Variants in PCTP observed in about 807,000 individuals in gnomAD.
PCTP encodes the protein START domain-containing protein 2.
In PCTP, 27 loss-of-function variants were observed where a neutral mutation model predicts 31.0. The ratio of observed to expected loss-of-function variants is 0.87; its 90% CI spans 0.64 to 1.20. PCTP has a LOEUF of 1.20. Among genes scored for constraint, PCTP ranks in the 50% most tolerant of loss-of-function variants. The pLI, the probability that PCTP is intolerant of heterozygous loss-of-function variation, is 0.00. For synonymous variants in PCTP, 108 were observed against 101.2 expected, an observed-to-expected ratio of 1.07 and a Z score of -0.40; for missense variants, 287 against 268.2, an observed-to-expected ratio of 1.07 and a Z score of -0.49.
At chr17:55,810,463 C>T (rs1912713691) in intron 3 of PCTP, among the ~76,000 whole-genome samples, 1 of 152,234 alleles carries the variant, frequency 6.6e-6, no homozygotes. Flanking sequence ...TCTACTGAGA[C>T]TCCAGGGGTA....
intron 1 of PCTP, among the ~76,000 whole-genome samples, chr17:55,757,132 G>GAT (rs973920755): frequency 2.6e-5 from 4 of 151,086 alleles, no homozygotes; most frequent in Non-Finnish European, 1.5e-5. Context: ...TGTGCATTTG[G>GAT]ATATATATAT....
intron 3 of PCTP, among the ~76,000 whole-genome samples, chr17:55,817,808 A>G (rs1473087672): frequency 6.6e-6 from 1 of 152,216 alleles, no homozygotes; most frequent in Non-Finnish European, 1.5e-5. Flanking sequence ...ATCTAGTCAG[A>G]GAGGGTATCT....
intron 3 of PCTP, among the ~76,000 whole-genome samples, chr17:55,800,472 C>T (rs940442586): frequency 2.0e-5 from 3 of 151,858 alleles, no homozygotes; most frequent in Admixed American, 2.0e-4. Context: ...TTAGCAATTC[C>T]TCTAATCTTT....
chr17:55,849,853 A>G, the PCTP span, among the ~76,000 whole-genome samples: 1 of 152,166 alleles, frequency 6.6e-6, no homozygotes, highest in African/African-American at 2.4e-5. Context: ...TCCATATAAA[A>G]GTATACCACA....
intron 5 of PCTP, among the ~76,000 whole-genome samples, chr17:55,833,233 G>A (rs1905664820): frequency 1.3e-5 from 2 of 152,062 alleles, no homozygotes; most frequent in Admixed American, 1.3e-4. Context: ...TAAGAAACTT[G>A]AGACCCAATA....
intron 3 of PCTP, among the ~76,000 whole-genome samples, chr17:55,792,108 A>G (rs1567722829): frequency 1.4e-5 from 2 of 138,740 alleles, no homozygotes; most frequent in Admixed American, 1.6e-4. Context: ...TTGAGCAATG[A>G]GAACACATGG....
chr17:55,798,476 G>T (rs1323182974), intron 3 of PCTP, among the ~76,000 whole-genome samples: 11 of 151,744 alleles, frequency 7.2e-5, no homozygotes, highest in Admixed American at 7.2e-4. Context: ...AATATGAAGG[G>T]CAACCAAAGG....
At chr17:55,820,376 A>G (rs968741219) in intron 3 of PCTP, among the ~76,000 whole-genome samples, 13 of 152,208 alleles carry the variant, frequency 8.5e-5, no homozygotes, top group Non-Finnish European at 4.4e-5. Context: ...GACATTCAAT[A>G]TCAAGGCACT....
chr17:55,784,056 A>G (rs570778849), intron 2 of PCTP, among the ~76,000 whole-genome samples: 1 of 152,244 alleles, frequency 6.6e-6, no homozygotes, highest in South Asian at 2.1e-4. Flanking sequence ...CAAAGACAGC[A>G]TGCGTTTCCT....
downstream of PCTP, among the ~76,000 whole-genome samples, chr17:55,844,489 T>G (rs1210008635): frequency 1.3e-5 from 2 of 152,128 alleles, no homozygotes; most frequent in African/African-American, 4.8e-5. Flanking sequence ...TGCCATAGAT[T>G]CATAGAAGCT....
intron 5 of PCTP, among the ~76,000 whole-genome samples, chr17:55,830,783 G>A (rs1026583347): frequency 3.9e-5 from 6 of 152,174 alleles, no homozygotes; most frequent in African/African-American, 1.4e-4. Context: ...GGGGTTAGGG[G>A]AGATGGAGGT....
downstream of PCTP, among the ~76,000 whole-genome samples, chr17:55,823,790 C>A (rs1025917125): frequency 6.6e-6 from 1 of 152,214 alleles, no homozygotes; most frequent in African/African-American, 2.4e-5. Flanking sequence ...TGCATCAGCC[C>A]CAGCCTGGCT....
At chr17:55,819,258 C>A (rs1913037180) in intron 3 of PCTP, among the ~76,000 whole-genome samples, 1 of 152,086 alleles carries the variant, frequency 6.6e-6, no homozygotes, top group Non-Finnish European at 1.5e-5. Flanking sequence ...ACCAAGGTGT[C>A]TGCTCTTAAC....
intron 2 of PCTP, 37 bp from the exon 3 acceptor site, chr17:55,771,069 G>T (rs762631659): frequency 6.6e-7 from 1 of 1,517,176 alleles, no homozygotes; most frequent in Non-Finnish European, 9.2e-7. Flanking sequence ...AGCTAAAAAG[G>T]CTTCCAGATG....
At chr17:55,787,098 C>T (rs1187433792) in intron 2 of PCTP, among the ~76,000 whole-genome samples, 1 of 151,732 alleles carries the variant, frequency 6.6e-6, no homozygotes. Context: ...TCATCAGAGA[C>T]CCCAGAGGTA....
chr17:55,751,414 G>A, intron 1 of PCTP, 170 bp downstream of exon 1: 1 of 1,534,250 alleles, frequency 6.5e-7, no homozygotes, highest in East Asian at 2.4e-5. Context: ...CGCAGGGGCG[G>A]TGCCTCCAAG....
intron 3 of PCTP, among the ~76,000 whole-genome samples, chr17:55,771,612 A>C (rs780574201): frequency 9.2e-5 from 14 of 152,204 alleles, no homozygotes; most frequent in Non-Finnish European, 1.9e-4. Flanking sequence ...GCTGGAACTC[A>C]GGCCTCTGCA....
intron 1 of PCTP, among the ~76,000 whole-genome samples, chr17:55,765,194 A>C (rs552488238): frequency 2.0e-4 from 31 of 152,378 alleles, no homozygotes; most frequent in African/African-American, 5.8e-4. Context: ...CTGTCTTGGA[A>C]TTGATAAAAC....
At chr17:55,843,400 C>A (rs1262972406), downstream of PCTP, among the ~76,000 whole-genome samples, 1 of 152,152 alleles carries the variant, frequency 6.6e-6, no homozygotes, top group East Asian at 1.9e-4. Context: ...CCCCCCTCCC[C>A]ATCTACCTCT....
Sources: allele counts gnomAD v4.1 joint callset (sites outside exome capture counted in the v4.1 genomes callset), GRCh38; gene constraint gnomAD v4.1.1; transcripts MANE v1.5; gene names NCBI Gene and HGNC (gene_info 2026-07-23, HGNC 2026-07-21).